Variants in DIAPH2 observed in about 807,000 individuals in gnomAD.
The protein encoded by DIAPH2 is protein diaphanous homolog 2.
Under a neutral mutation model 92.7 loss-of-function variants are expected in DIAPH2, and 35 were observed. The observed-to-expected ratio is 0.38, with a 90% confidence interval of 0.29 to 0.50. The LOEUF (loss-of-function observed/expected upper bound fraction) is 0.50. Among genes scored for constraint, DIAPH2 ranks in the 20% least tolerant of loss-of-function variants. The pLI, the probability that DIAPH2 is intolerant of heterozygous loss-of-function variation, is 0.94. For synonymous variants in DIAPH2, 301 were observed against 280.4 expected (o/e 1.07, Z -0.73); for missense variants, 701 against 819.5 (o/e 0.86, Z 1.77).
At chrX:96,750,434 T>G (rs1330850663) in intron 3 of DIAPH2, among the ~76,000 whole-genome samples, 1 of 112,121 alleles carries the variant, frequency 8.9e-6, no homozygotes, top group Non-Finnish European at 1.9e-5. Context: ...TTATTGTATT[T>G]GAAATATCTT....
rs182498885 is a variant in DIAPH2, at chrX:96,716,582, G to T, written c.133-19176G>T. Among the ~76,000 whole-genome samples, 41 of 111,474 alleles carry T rather than the reference G, an allele frequency of 3.7e-4. No homozygotes were observed. The East Asian group carries it at 8.7e-3, about 24-fold the overall frequency. ...GAAAACCACCCTCACAATCAAGACA[G>T]TGAACATATTCATCACCCTCAAAGG... is the stretch of plus-strand genomic sequence containing the variant. On this transcript the variant is annotated intron_variant, in intron 1 of 26. Coordinates refer to ENST00000324765, the MANE Select transcript of DIAPH2 (RefSeq NM_006729.5).
At chrX:97,508,812 TGGCGCA>T (rs2070855941) in intron 26 of DIAPH2, among the ~76,000 whole-genome samples, 1 of 111,269 alleles carries the variant, frequency 9.0e-6, no homozygotes, top group Admixed American at 9.6e-5. Context: ...AAATCTGATT[TGGCGCA>T]GGACTTCTTT....
intron 23 of DIAPH2, among the ~76,000 whole-genome samples, chrX:97,293,504 G>C (rs778580635): frequency 1.8e-5 from 2 of 110,617 alleles, no homozygotes; most frequent in East Asian, 2.8e-4. Flanking sequence ...GCCCACCTTG[G>C]CCTCCCAAAG....
At chrX:97,478,254 A>G in intron 26 of DIAPH2, among the ~76,000 whole-genome samples, 1 of 112,218 alleles carries the variant, frequency 8.9e-6, no homozygotes, top group Non-Finnish European at 1.9e-5. Context: ...CAAAAATTCT[A>G]TCCCATGCTT....
chrX:97,476,418 G>A (rs1453384290), intron 26 of DIAPH2, among the ~76,000 whole-genome samples: 2 of 111,617 alleles, frequency 1.8e-5, no homozygotes, highest in Admixed American at 9.5e-5. Context: ...GCACGCTAAA[G>A]GTCCTTTCTG....
rs760528420 is a variant in DIAPH2, at chrX:97,463,500, C to T, written c.3241+33755C>T. The stretch of plus-strand genomic sequence containing the variant: ...CTGCCTCCCGGGTTCAAGCGATTCT[C>T]CTGCCTCAGCCCCCCAAGTAGCTGG... On this transcript the variant is annotated intron_variant, in intron 26 of 26. Coordinates refer to ENST00000324765, the MANE Select transcript of DIAPH2 (RefSeq NM_006729.5). Among the ~76,000 whole-genome samples, 5 of 109,828 alleles carry T rather than the reference C, an allele frequency of 4.6e-5. No homozygotes were observed. The South Asian group carries it at 2.0e-3, about 44-fold the overall frequency.
At chrX:96,973,093 G>A (rs2065937383) in intron 17 of DIAPH2, among the ~76,000 whole-genome samples, 1 of 112,009 alleles carries the variant, frequency 8.9e-6, no homozygotes, top group African/African-American at 3.2e-5. Context: ...CGCTATTTGT[G>A]ATTGGCTGAA....
chrX:96,809,226 G>A (rs958341203), intron 4 of DIAPH2, among the ~76,000 whole-genome samples: 4 of 109,669 alleles, frequency 3.6e-5, no homozygotes, highest in Non-Finnish European at 7.6e-5. Flanking sequence ...GTAGCTGGAA[G>A]AGAATTCCTC....
At chrX:96,944,215 C>T (rs1157461472) in intron 13 of DIAPH2, among the ~76,000 whole-genome samples, 2 of 111,634 alleles carry the variant, frequency 1.8e-5, no homozygotes, top group Admixed American at 9.5e-5. Flanking sequence ...GCCTGAAACT[C>T]TCTGATGCCT....
At chrX:96,792,641 A>G (rs2064509515) in intron 4 of DIAPH2, among the ~76,000 whole-genome samples, 1 of 112,084 alleles carries the variant, frequency 8.9e-6, no homozygotes, top group Admixed American at 9.5e-5. Context: ...ACCACTTATA[A>G]ATTGGGACTG....
intron 24 of DIAPH2, among the ~76,000 whole-genome samples, chrX:97,354,517 C>T (rs1334804085): frequency 9.0e-6 from 1 of 111,171 alleles, no homozygotes; most frequent in Non-Finnish European, 1.9e-5. Context: ...GGATTACAGG[C>T]ACCCACCACC....
At chrX:96,786,944 A>G (rs1364524824) in intron 4 of DIAPH2, among the ~76,000 whole-genome samples, 1 of 111,523 alleles carries the variant, frequency 9.0e-6, no homozygotes, top group African/African-American at 3.3e-5. Context: ...CGTGATGTAA[A>G]CCTTATTGCT....
At chrX:97,143,009 C>T (rs1222989289) in intron 22 of DIAPH2, among the ~76,000 whole-genome samples, 3 of 111,422 alleles carry the variant, frequency 2.7e-5, no homozygotes, top group Non-Finnish European at 5.7e-5. Context: ...TTAATTTTAC[C>T]GAGTTTGTAT....
chrX:96,753,533 A>C (rs1446760470), intron 3 of DIAPH2, among the ~76,000 whole-genome samples: 1 of 112,084 alleles, frequency 8.9e-6, no homozygotes, highest in East Asian at 2.8e-4. Flanking sequence ...TGGTCTTCAA[A>C]TAACATTTAT....
At chrX:97,503,995 T>C (rs1181691782) in intron 26 of DIAPH2, among the ~76,000 whole-genome samples, 3 of 111,853 alleles carry the variant, frequency 2.7e-5, no homozygotes, top group African/African-American at 9.7e-5. Context: ...CACATTTGTA[T>C]AGTTGCAACG....
intron 4 of DIAPH2, among the ~76,000 whole-genome samples, chrX:96,818,943 C>T (rs1277297187): frequency 8.9e-6 from 1 of 112,641 alleles, no homozygotes; most frequent in Non-Finnish European, 1.9e-5. Flanking sequence ...CTCAGATCAT[C>T]AGGCATTAGT....
intron 22 of DIAPH2, among the ~76,000 whole-genome samples, chrX:97,223,905 T>G (rs2067945471): frequency 9.0e-6 from 1 of 111,708 alleles, no homozygotes; most frequent in Non-Finnish European, 1.9e-5. Flanking sequence ...TATTGTTTAC[T>G]GTTTTTTTAG....
At chrX:97,248,195 T>C (rs1466929207) in intron 23 of DIAPH2, among the ~76,000 whole-genome samples, 2 of 111,540 alleles carry the variant, frequency 1.8e-5, no homozygotes, top group African/African-American at 3.2e-5. Context: ...GGTTTTTTTT[T>C]GTCTGAGATT....
At chrX:97,579,728 G>A (rs1223279392) in intron 26 of DIAPH2, among the ~76,000 whole-genome samples, 1 of 110,218 alleles carries the variant, frequency 9.1e-6, no homozygotes, top group Non-Finnish European at 1.9e-5. Flanking sequence ...GCTTGATGGG[G>A]ATGGCATTGA....
Sources: gnomAD v4.1 joint callset for allele counts (sites outside exome capture counted in the v4.1 genomes callset) on GRCh38, gnomAD v4.1.1 for gene constraint, MANE v1.5 for transcripts, NCBI Gene and HGNC (gene_info 2026-07-23, HGNC 2026-07-21) for gene names.